L3MBTL4: variants seen among roughly 807,000 people sequenced by gnomAD.
The protein encoded by L3MBTL4 is lethal(3)malignant brain tumor-like protein 4.
L3MBTL4 carries 70 observed loss-of-function variants against 84.5 expected under a neutral mutation model. The ratio of observed to expected loss-of-function variants is 0.83; its 90% CI spans 0.68 to 1.01. The LOEUF is 1.01. Among genes scored for constraint, L3MBTL4 ranks in the 50% least tolerant of loss-of-function variants. L3MBTL4 has a pLI of 0.00. For missense variants in L3MBTL4, 715 were observed against 754.8 expected (o/e 0.95, Z 0.62); for synonymous variants, 274 against 259.8 (o/e 1.05, Z -0.52).
At chr18:6,241,860 C>T (rs886646675) in intron 7 of L3MBTL4, among the ~76,000 whole-genome samples, 3 of 152,098 alleles carry the variant, frequency 2.0e-5, no homozygotes, top group African/African-American at 7.2e-5. Context: ...CCGTACCTGT[C>T]CCCACTCCTG....
At position 6,387,017 on chromosome 18, in the gene L3MBTL4, A is replaced by G. The variant is rs563240914; in HGVS notation, c.-91+27784T>C. On this transcript the variant is annotated intron_variant, in intron 1 of 18. Coordinates refer to ENST00000317931, the MANE Select transcript of L3MBTL4 (RefSeq NM_001330559.2). ...GTAGATGGCAGCATTAGAGTGCAGG[A>G]GAATGAGCCAGAATCCAGATACATT... Among the ~76,000 whole-genome samples, 15 of 152,298 alleles carry G rather than the reference A, an allele frequency of 9.8e-5. No individual in the cohort carries two copies. The South Asian group carries it at 3.1e-3, about 32-fold the overall frequency.
chr18:5,972,271 C>T (rs1029368235), intron 16 of L3MBTL4, among the ~76,000 whole-genome samples: 24 of 152,290 alleles, frequency 1.6e-4, no homozygotes, highest in African/African-American at 5.5e-4. Context: ...ATCAATTATA[C>T]ATCATGAGAC....
At chr18:6,374,222 G>C (rs899647008) in intron 1 of L3MBTL4, 1 of 152,470 alleles carries the variant, frequency 6.6e-6, no homozygotes, top group Non-Finnish European at 1.5e-5. Context: ...GCTGTGACTT[G>C]GGCGAGTCAC....
chr18:6,058,882 G>C (rs957363132), intron 16 of L3MBTL4, among the ~76,000 whole-genome samples: 3 of 152,180 alleles, frequency 2.0e-5, no homozygotes, highest in African/African-American at 7.2e-5. Context: ...GGTGAGCCTG[G>C]AATCCAAGAA....
intron 12 of L3MBTL4, among the ~76,000 whole-genome samples, chr18:6,177,436 CTGGGAGAAGGA>C (rs994036870): frequency 6.6e-6 from 1 of 152,156 alleles, no homozygotes; most frequent in Non-Finnish European, 1.5e-5. Flanking sequence ...CCATGGTTGT[CTGGGAGAAGGA>C]TGGGAGCAGG....
chr18:6,090,623 C>CAT (rs964793952), intron 15 of L3MBTL4, among the ~76,000 whole-genome samples: 1 of 122,520 alleles, frequency 8.2e-6, no homozygotes, highest in Non-Finnish European at 1.6e-5. Context: ...CACACACACA[C>CAT]ATATATTTCT....
intron 8 of L3MBTL4, among the ~76,000 whole-genome samples, chr18:6,240,628 C>T (rs779473212): frequency 2.6e-5 from 4 of 152,142 alleles, no homozygotes; most frequent in Non-Finnish European, 5.9e-5. Flanking sequence ...CTCTACTTCT[C>T]TTTCATCAAA....
chr18:6,246,639 C>T (rs1418363312), intron 5 of L3MBTL4, among the ~76,000 whole-genome samples: 3 of 152,184 alleles, frequency 2.0e-5, no homozygotes, highest in Admixed American at 6.5e-5. Flanking sequence ...GCACGTGGCT[C>T]ATGCCTGTAA....
intron 9 of L3MBTL4, among the ~76,000 whole-genome samples, chr18:6,239,214 G>A (rs1193100215): frequency 6.6e-5 from 10 of 150,716 alleles, no homozygotes; most frequent in East Asian, 1.9e-4. Flanking sequence ...AGTGGCGGGC[G>A]CCTGTAGTCC....
intron 16 of L3MBTL4, among the ~76,000 whole-genome samples, chr18:5,996,088 T>C (rs1283255948): frequency 6.6e-6 from 1 of 152,252 alleles, no homozygotes; most frequent in Non-Finnish European, 1.5e-5. Context: ...ACAAAAGACA[T>C]CATTCTATTT....
upstream of L3MBTL4, chr18:6,415,044 C>A (rs1474008946): frequency 6.6e-6 from 1 of 152,160 alleles, no homozygotes; most frequent in African/African-American, 2.4e-5. Flanking sequence ...TGGCGCTGGG[C>A]CCGCCGAGGT....
In L3MBTL4 at chr18:6,179,431, A is replaced by G. The variant is rs370584712; in HGVS notation, c.982-7489T>C. Among the ~76,000 whole-genome samples, 317 of 152,308 alleles carry G rather than the reference A, an allele frequency of 2.1e-3. 1 individual carries two copies. The highest frequency in any genetic ancestry group is 7.3e-3 in the African/African-American group (305 of 41,566). On this transcript the variant is annotated intron_variant, in intron 12 of 18. Coordinates refer to ENST00000317931, the MANE Select transcript of L3MBTL4 (RefSeq NM_001330559.2). ...CCTATTGCTCATAACTATTGGTGCT[A>G]ATAAGATTATAGTTCATCTTACTTC...
intron 14 of L3MBTL4, among the ~76,000 whole-genome samples, chr18:6,103,916 G>A (rs1040788451): frequency 7.2e-5 from 11 of 152,156 alleles, no homozygotes; most frequent in South Asian, 2.1e-4. Flanking sequence ...TGCCTGGGCC[G>A]AGTGTTCCCA....
At chr18:6,011,297 T>C (rs2054724187) in intron 16 of L3MBTL4, among the ~76,000 whole-genome samples, 1 of 152,142 alleles carries the variant, frequency 6.6e-6, no homozygotes, top group Non-Finnish European at 1.5e-5. Flanking sequence ...CATGATAGCA[T>C]ATTCAGAAAG....
rs531133698 is a variant in L3MBTL4, at chr18:6,142,245, G to C, written c.1097-3949C>G. ...TTCACCACTGTGTCACCAGTATCTA[G>C]CCCAACACATAGTTAGTGCTCAGTG... On this transcript the variant is annotated intron_variant, in intron 13 of 18. Coordinates refer to ENST00000317931, the MANE Select transcript of L3MBTL4 (RefSeq NM_001330559.2). Among the ~76,000 whole-genome samples the C allele has an allele frequency of 3.9e-5, 6 of 152,304 alleles. No homozygotes were observed. In the East Asian group the frequency reaches 1.2e-3, roughly 29 times the overall value.
At chr18:6,196,084 C>T (rs1302808990) in intron 12 of L3MBTL4, among the ~76,000 whole-genome samples, 1 of 152,010 alleles carries the variant, frequency 6.6e-6, no homozygotes, top group African/African-American at 2.4e-5. Flanking sequence ...ATCTACATCA[C>T]CAACAGCTCC....
intron 1 of L3MBTL4, among the ~76,000 whole-genome samples, chr18:6,403,539 AT>A (rs1426523562): frequency 1.3e-5 from 2 of 152,250 alleles, no homozygotes; most frequent in African/African-American, 4.8e-5. Context: ...ATGTCCAGAC[AT>A]TTTGAAGTAC....
Position 6,131,208 on chromosome 18 carries a change from A to T in L3MBTL4, c.1199+6986T>A, listed in dbSNP as rs544558523. 7.2e-5 allele frequency among the ~76,000 whole-genome samples: 11 copies of T among 152,326 alleles called. No individual in the cohort carries two copies. The East Asian group carries it at 1.7e-3, about 24-fold the overall frequency. On this transcript the variant is annotated intron_variant, in intron 14 of 18. Transcript: ENST00000317931. ...AATTCTGATTTGAAATGGTAAAAACAACATTCTGCTTGCAAGCACTCCACT... is the reference window on the plus strand; with the variant it reads ...AATTCTGATTTGAAATGGTAAAAACTACATTCTGCTTGCAAGCACTCCACT...
At chr18:6,094,005 C>T (rs929908141) in intron 14 of L3MBTL4, among the ~76,000 whole-genome samples, 1 of 152,166 alleles carries the variant, frequency 6.6e-6, no homozygotes, top group African/African-American at 2.4e-5. Flanking sequence ...TCTGCTTAAT[C>T]CTCCAGAGCT....
Sources: allele counts gnomAD v4.1 joint callset (sites outside exome capture counted in the v4.1 genomes callset), GRCh38; gene constraint gnomAD v4.1.1; transcripts MANE v1.5; gene names NCBI Gene and HGNC (gene_info 2026-07-23, HGNC 2026-07-21).